The following MAP2 variants were observed in gnomAD, a reference collection of about 807,000 sequenced individuals.
The protein encoded by MAP2 is microtubule associated protein 2.
In MAP2, 14 loss-of-function variants were observed where a neutral mutation model predicts 137.6. The observed-to-expected ratio is 0.10, with a 90% CI of 0.07 to 0.16. MAP2 has a LOEUF of 0.16. Among genes scored for constraint, MAP2 ranks in the 10% least tolerant of loss-of-function variants. MAP2 has a pLI of 1.00. For synonymous variants in MAP2, 786 were observed against 782.3 expected, an observed-to-expected ratio of 1.00 and a Z score of -0.08; for missense variants, 2,088 against 2,191.5, an observed-to-expected ratio of 0.95 and a Z score of 0.94.
At chr2:209,675,080 A>G (rs2050701823) in intron 5 of MAP2, among the ~76,000 whole-genome samples, 1 of 151,880 alleles carries the variant, frequency 6.6e-6, no homozygotes, top group Non-Finnish European at 1.5e-5. Context: ...AAAATGTGAC[A>G]TGCCCTATTT....
At chr2:209,619,291 C>CA (rs751987201) in intron 3 of MAP2, among the ~76,000 whole-genome samples, 1 of 151,980 alleles carries the variant, frequency 6.6e-6, no homozygotes, top group Non-Finnish European at 1.5e-5. Flanking sequence ...GTTCTCACCA[C>CA]AAAAAATGAC....
In MAP2 at chr2:209,697,067, T is replaced by G. The variant is rs372492263; in HGVS notation, c.4522+16T>G. ...AAAACCACAGGTGACTGTTCAATTC[T>G]GCAATGTGACTGGCAAACATAGACA... On this transcript the variant is annotated intron_variant, in intron 10 of 15. Transcript: ENST00000682079. 2 of 1,569,416 alleles carry G rather than the reference T, an allele frequency of 1.3e-6. No individual in the cohort carries two copies. Among genetic ancestry groups the G allele is most frequent in the Admixed American group, 2.1e-5 (1 of 47,598 alleles).
At chr2:209,485,025 T>C (rs185796916) in intron 1 of MAP2, among the ~76,000 whole-genome samples, 17 of 152,334 alleles carry the variant, frequency 1.1e-4, no homozygotes, top group African/African-American at 3.8e-4. Flanking sequence ...AAGTTAGTAA[T>C]TGAGCTGCTC....
chr2:209,641,207 G>C (rs1363474847), intron 4 of MAP2, among the ~76,000 whole-genome samples: 1 of 152,034 alleles, frequency 6.6e-6, no homozygotes, highest in African/African-American at 2.4e-5. Flanking sequence ...TGCAATTCTA[G>C]CCAATATTCT....
intron 5 of MAP2, among the ~76,000 whole-genome samples, chr2:209,669,848 T>C (rs2048044571): frequency 6.6e-6 from 1 of 151,942 alleles, no homozygotes; most frequent in Admixed American, 6.6e-5. Context: ...TATATTTTGT[T>C]TATCTCACAG....
chr2:209,694,953 A>G lies in MAP2; in HGVS notation c.2783A>G (p.Glu928Gly), dbSNP rs551612963. 20 of 1,614,192 alleles carry G rather than the reference A, an allele frequency of 1.2e-5. No homozygotes were observed. In the South Asian group the frequency reaches 1.9e-4, roughly 15 times the overall value. ...KLAAAGRVKDEFSVDKEASAH... is the reference protein window; with the variant it reads ...KLAAAGRVKDGFSVDKEASAH... The stretch of plus-strand genomic sequence containing the variant: ...GCAGCAGCCGGAAGAGTCAAAGATG[A>G]GTTCAGTGTTGACAAAGAAGCATCC... Residue 928 changes from glutamate to glycine, a missense_variant, in exon 8 of 16, where the codon GAG becomes GGG. Physicochemically the swap from Glu to Gly is moderately conservative, Grantham distance 98. This residue lies in a region of MAP2 where 500 missense variants were observed against 482.9 expected (regional missense o/e 1.04). Transcript: ENST00000682079.
At chr2:209,426,496 G>A (rs1183028525) in intron 1 of MAP2, among the ~76,000 whole-genome samples, 1 of 152,126 alleles carries the variant, frequency 6.6e-6, no homozygotes, top group East Asian at 1.9e-4. Context: ...CACCTCTCAG[G>A]ATGACTTGTT....
At chr2:209,521,000 G>A (rs1005202964) in intron 2 of MAP2, among the ~76,000 whole-genome samples, 1 of 152,004 alleles carries the variant, frequency 6.6e-6, no homozygotes, top group Non-Finnish European at 1.5e-5. Context: ...GTTATGCATA[G>A]TATCTTTCTT....
chr2:209,585,283 A>G (rs1332402686), intron 3 of MAP2, among the ~76,000 whole-genome samples: 2 of 151,862 alleles, frequency 1.3e-5, no homozygotes, highest in Non-Finnish European at 1.5e-5. Context: ...AAAGAAGAGG[A>G]CAGGGAAGGT....
rs1193641899 is a variant in MAP2 at position 209,730,518 on chromosome 2, AC to A, written c.*122del. On this transcript the variant is annotated 3_prime_UTR_variant, in exon 16 of 16. Coordinates refer to ENST00000682079, the MANE Select transcript of MAP2 (RefSeq NM_001375505.1). Reference sequence around the variant, plus strand: ...ATAAAATAAATAATCTCATCCCCAAACTGTAGTAATTGTTACAATTTTCTAT... The same window carrying A: ...ATAAAATAAATAATCTCATCCCCAAATGTAGTAATTGTTACAATTTTCTAT... 4 of 691,890 alleles carry A rather than the reference AC, an allele frequency of 5.8e-6. No homozygotes were observed. 42.9% of individuals were successfully genotyped at this position (691,890 alleles called of 1,614,324 possible).
intron 5 of MAP2, among the ~76,000 whole-genome samples, chr2:209,662,689 T>A (rs966984252): frequency 3.9e-5 from 6 of 152,082 alleles, no homozygotes; most frequent in Non-Finnish European, 7.4e-5. Context: ...AAATTCTTTT[T>A]TTATTTTTAG....
chr2:209,578,980 T>C (rs191333939), intron 2 of MAP2, among the ~76,000 whole-genome samples: 2 of 152,116 alleles, frequency 1.3e-5, no homozygotes, highest in Admixed American at 1.3e-4. Context: ...AAGTGCATAA[T>C]TATAACTGTT....
intron 2 of MAP2, among the ~76,000 whole-genome samples, chr2:209,517,589 C>T (rs1381409483): frequency 6.6e-6 from 1 of 151,836 alleles, no homozygotes; most frequent in Non-Finnish European, 1.5e-5. Flanking sequence ...TTATCTATCT[C>T]GTAAAGCCCA....
intron 1 of MAP2, among the ~76,000 whole-genome samples, chr2:209,487,312 T>G (rs116440010): frequency 0.023 from 3,554 of 152,268 alleles, 46 homozygotes; most frequent in Non-Finnish European, 0.033. Context: ...TTCAGGAAAT[T>G]AGAGCTTTGG....
At chr2:209,518,234 T>A (rs963402786) in intron 2 of MAP2, among the ~76,000 whole-genome samples, 1 of 151,982 alleles carries the variant, frequency 6.6e-6, no homozygotes, top group South Asian at 2.1e-4. Context: ...TGCAATGGCT[T>A]ACAGTCAAGA....
rs145529627 is a variant in MAP2, at chr2:209,670,266, A to C, written c.263-8306A>C. ...GGGGCTACAAACAACATAAACATGC[A>C]ATACATTACTCCATTGGACACCCCC... On this transcript the variant is annotated intron_variant, in intron 5 of 15. Coordinates refer to ENST00000682079, the MANE Select transcript of MAP2 (RefSeq NM_001375505.1). 5.0e-3 allele frequency among the ~76,000 whole-genome samples: 763 copies of C among 152,140 alleles called. 3 individuals carry two copies. Among genetic ancestry groups the C allele is most frequent in the Middle Eastern group, 0.017 (5 of 294 alleles).
In MAP2 at chr2:209,700,321, G is replaced by A; in HGVS notation, c.4567G>A (p.Ala1523Thr). 6.2e-7 allele frequency: 1 copy of A among 1,613,154 alleles called. No individual in the cohort carries two copies. The highest frequency in any genetic ancestry group is 1.1e-5 in the South Asian group (1 of 90,922). The stretch of plus-strand genomic sequence containing the variant: ...TCTGGCTCCCAGTGTATTTAAACAG[G>A]CAAAGGACAAAGTCTCTGTGAGTAA... ...SALAPSVFKQAKDKVSDGVTK... is the reference protein window; with the variant it reads ...SALAPSVFKQTKDKVSDGVTK... The change falls in exon 11 of 16, where the codon GCA (alanine) becomes ACA (threonine). Residue 1523 changes from alanine (A) to threonine (T), a missense_variant. Ala to Thr is a moderately conservative substitution (Grantham distance 58). This residue lies in a region of MAP2 where 591 missense variants were observed against 642.6 expected (regional missense o/e 0.92). Coordinates refer to ENST00000682079, the MANE Select transcript of MAP2 (RefSeq NM_001375505.1).
Position 209,687,855 on chromosome 2 carries a change from TGAG to T in MAP2, c.455-4766_455-4764del, listed in dbSNP as rs377218674. Among the ~76,000 whole-genome samples, 11 of 152,236 alleles carry T rather than the reference TGAG, an allele frequency of 7.2e-5. No individual in the cohort carries two copies. The East Asian group carries it at 1.7e-3, about 24-fold the overall frequency. On this transcript the variant is annotated intron_variant, in intron 7 of 15. Transcript: ENST00000682079. ...CTGATGATGACCCTTACAATTCCGATGAGGAGTACTATGAGCATCCTTTGTTCA... is the reference window on the plus strand; with the variant it reads ...CTGATGATGACCCTTACAATTCCGATGAGTACTATGAGCATCCTTTGTTCA...
rs187462439 is a variant in MAP2 at position 209,515,802 on chromosome 2, G to A, written c.-172+8161G>A. ...TTTTATTTTTATTTCATTTATTTATGTAGAGACAGAGTCTTATTCTGTCAC... is the reference window on the plus strand; with the variant it reads ...TTTTATTTTTATTTCATTTATTTATATAGAGACAGAGTCTTATTCTGTCAC... On this transcript the variant is annotated intron_variant, in intron 2 of 15. Coordinates refer to ENST00000682079, the MANE Select transcript of MAP2 (RefSeq NM_001375505.1). 4.6e-5 allele frequency among the ~76,000 whole-genome samples: 7 copies of A among 152,128 alleles called. No homozygotes were observed. The East Asian group carries it at 1.4e-3, about 29-fold the overall frequency.
Sources: gnomAD v4.1 joint callset for allele counts (sites outside exome capture counted in the v4.1 genomes callset) on GRCh38, gnomAD v4.1.1 for gene constraint, gnomAD v4.1.1 regional missense constraint, MANE v1.5 for transcripts, NCBI Gene and HGNC (gene_info 2026-07-23, HGNC 2026-07-21) for gene names.